Variants in LAMA2 observed in about 807,000 individuals in gnomAD.
LAMA2 encodes laminin subunit alpha-2.
Under a neutral mutation model 364.8 loss-of-function variants are expected in LAMA2, and 269 were observed. The observed-to-expected ratio is 0.74, with a 90% CI of 0.67 to 0.82. The LOEUF is 0.82. LAMA2 is among the 40% of genes least tolerant of loss of function. LAMA2 has a pLI of 0.00. For missense variants in LAMA2, 3,807 were observed against 3,873.2 expected (o/e 0.98, Z 0.45); for synonymous variants, 1,379 against 1,370.6 (o/e 1.01, Z -0.14).
At chr6:128,921,755 G>T (rs1382885313) in intron 1 of LAMA2, among the ~76,000 whole-genome samples, 2 of 145,916 alleles carry the variant, frequency 1.4e-5, no homozygotes, top group African/African-American at 5.1e-5. Flanking sequence ...TGTGCACAAT[G>T]TGCCGATTAG....
chr6:129,430,417 C>T (rs1781531868), intron 41 of LAMA2, among the ~76,000 whole-genome samples: 1 of 152,116 alleles, frequency 6.6e-6, no homozygotes, highest in Non-Finnish European at 1.5e-5. Context: ...GCTGTCCTTG[C>T]CTTGAGGGAA....
At chr6:129,295,240 A>G (rs1773089729) in intron 20 of LAMA2, among the ~76,000 whole-genome samples, 1 of 151,834 alleles carries the variant, frequency 6.6e-6, no homozygotes, top group South Asian at 2.1e-4. Flanking sequence ...TGTCCTGAGG[A>G]GTAAATGAGT....
intron 12 of LAMA2, among the ~76,000 whole-genome samples, chr6:129,196,686 T>C (rs1262780699): frequency 2.6e-5 from 4 of 152,160 alleles, no homozygotes; most frequent in African/African-American, 4.8e-5. Context: ...TTGGATTAAA[T>C]GGGTTAGTTA....
At chr6:129,442,565 T>G (rs1782171726) in intron 43 of LAMA2, among the ~76,000 whole-genome samples, 1 of 152,226 alleles carries the variant, frequency 6.6e-6, no homozygotes, top group Non-Finnish European at 1.5e-5. Context: ...AGTGCAGGTT[T>G]GTTACATAGG....
Position 129,314,944 on chromosome 6 carries a change from A to T in LAMA2, c.3555+146A>T, listed in dbSNP as rs959297808. 5.1e-6 allele frequency: 4 copies of T among 787,344 alleles called. No homozygotes were observed. The African/African-American group carries it at 6.7e-5, about 13-fold the overall frequency. The allele number at this position is 787,344 out of a possible 1,614,324, so 48.8% of individuals were successfully genotyped here. A position where few individuals can be genotyped will look rare whatever the true frequency, so the allele number is the denominator to read the frequency against. ...AACATTTAGGAACAGCAAAGGGGTC[A>T]CGTGCCATTAGAGAGTTGGAGTAAA... On this transcript the variant is annotated intron_variant, in intron 24 of 64. Coordinates refer to ENST00000421865, the MANE Select transcript of LAMA2 (RefSeq NM_000426.4).
chr6:129,285,721 G>A lies in LAMA2; in HGVS notation c.2538-2126G>A, dbSNP rs1370175624. Among the ~76,000 whole-genome samples, 4 of 152,026 alleles carry A rather than the reference G, an allele frequency of 2.6e-5. No individual in the cohort carries two copies. The East Asian group carries it at 7.7e-4, about 29-fold the overall frequency. On this transcript the variant is annotated intron_variant, in intron 18 of 64. Transcript: ENST00000421865. Reference sequence around the variant, plus strand: ...TATTAAATAAGACAAGAAGAATCAGGTTAAAATTCAAAAGAATCTCCTTCT... The same window carrying A: ...TATTAAATAAGACAAGAAGAATCAGATTAAAATTCAAAAGAATCTCCTTCT...
chr6:129,481,442 A>G lies in LAMA2; in HGVS notation c.7749+3A>G, dbSNP rs370197248. 22 of 1,610,264 alleles carry G rather than the reference A, an allele frequency of 1.4e-5. No individual in the cohort carries two copies. The highest frequency in any genetic ancestry group is 1.8e-5 in the Non-Finnish European group (21 of 1,176,624). On this transcript the variant is annotated splice_donor_region_variant and intron_variant, in intron 55 of 64. Transcript: ENST00000421865. ...GAAAACGAAGGCAGACTGGACAGGT[A>G]CCCTCACACCTAGCTGATAATGCAT...
chr6:128,948,858 C>T (rs548005058), intron 1 of LAMA2, among the ~76,000 whole-genome samples: 4 of 152,244 alleles, frequency 2.6e-5, no homozygotes, highest in Admixed American at 2.6e-4. Flanking sequence ...TCCTGAGGCC[C>T]TCACCAGAAT....
chr6:129,192,013 C>T (rs908952440), intron 11 of LAMA2, among the ~76,000 whole-genome samples: 5 of 152,170 alleles, frequency 3.3e-5, no homozygotes, highest in Admixed American at 1.3e-4. Flanking sequence ...CATTTCTGGG[C>T]CAGGGATCTA....
At chr6:129,381,648 C>T (rs6899448) in intron 34 of LAMA2, among the ~76,000 whole-genome samples, 127,514 of 152,124 alleles carry the variant, frequency 0.84, 53,457 homozygotes, top group Admixed American at 0.88. Flanking sequence ...AACCTAGGGA[C>T]TGGATGCACA....
intron 55 of LAMA2, among the ~76,000 whole-genome samples, chr6:129,482,396 C>T (rs1431260572): frequency 6.6e-6 from 1 of 152,076 alleles, no homozygotes; most frequent in Non-Finnish European, 1.5e-5. Flanking sequence ...CCTCTTATTG[C>T]CTTGGTATTC....
In LAMA2 at chr6:128,990,673, C is replaced by G. The variant is rs945901208; in HGVS notation, c.113-59245C>G. 2.0e-5 allele frequency among the ~76,000 whole-genome samples: 3 copies of G among 152,052 alleles called. No individual in the cohort carries two copies. The East Asian group carries it at 5.8e-4, about 29-fold the overall frequency. ...TATTATTATTTTGTTTTTAAATAGG[C>G]CCCTTTCTCTCATATTTATCTTGCC... On this transcript the variant is annotated intron_variant, in intron 1 of 64. Coordinates refer to ENST00000421865, the MANE Select transcript of LAMA2 (RefSeq NM_000426.4).
rs766642494 is a variant in LAMA2, at chr6:129,050,048, G to A, written c.243G>A (p.Pro81=). The part of the protein sequence containing the change: ...EHVPGQPVRN[P]QCRICNQNSS... ...TCCCTGGGCAGCCTGTGAGGAACCC[G>A]CAGTGTCGAATCTGCAATCAAAACA... Residue 81 remains proline, a synonymous_variant, in exon 2 of 65, where the codon CCG becomes CCA. Coordinates refer to ENST00000421865, the MANE Select transcript of LAMA2 (RefSeq NM_000426.4). 10 of 1,614,122 alleles carry A rather than the reference G, an allele frequency of 6.2e-6. No homozygotes were observed. The highest frequency in any genetic ancestry group is 1.3e-5 in the African/African-American group (1 of 75,024).
chr6:129,442,294 C>G, intron 43 of LAMA2: 1 of 1,079,772 alleles, frequency 9.3e-7, no homozygotes, highest in South Asian at 1.6e-5. Flanking sequence ...AGGAAGAGTA[C>G]AAACACATAT....
chr6:129,158,640 G>C, intron 8 of LAMA2: 1 of 1,614,150 alleles, frequency 6.2e-7, no homozygotes, highest in Non-Finnish European at 8.5e-7. Flanking sequence ...TATGCAGACA[G>C]CCATAGAAAT....
At chr6:129,387,533 G>T (rs956889130) in intron 35 of LAMA2, among the ~76,000 whole-genome samples, 1 of 152,160 alleles carries the variant, frequency 6.6e-6, no homozygotes, top group Non-Finnish European at 1.5e-5. Flanking sequence ...AATACCATTT[G>T]ACCCAGCAAC....
At chr6:129,046,460 A>C (rs991153905) in intron 1 of LAMA2, among the ~76,000 whole-genome samples, 1 of 152,174 alleles carries the variant, frequency 6.6e-6, no homozygotes, top group African/African-American at 2.4e-5. Flanking sequence ...ACTTTATAAA[A>C]TCGCCAGATA....
At chr6:129,448,012 G>T (rs1327903109) in intron 45 of LAMA2, among the ~76,000 whole-genome samples, 1 of 152,170 alleles carries the variant, frequency 6.6e-6, no homozygotes, top group Non-Finnish European at 1.5e-5. Context: ...TATAGGCTGG[G>T]CATGGTGGCT....
intron 12 of LAMA2, among the ~76,000 whole-genome samples, chr6:129,203,797 T>C (rs1451539631): frequency 1.3e-5 from 2 of 152,194 alleles, no homozygotes; most frequent in African/African-American, 4.8e-5. Context: ...GATCTCTGCT[T>C]TATTAGCTTT....
Sources: gnomAD v4.1 joint callset for allele counts (sites outside exome capture counted in the v4.1 genomes callset) on GRCh38, gnomAD v4.1.1 for gene constraint, MANE v1.5 for transcripts, NCBI Gene and HGNC (gene_info 2026-07-23, HGNC 2026-07-21) for gene names.